UVRAG: variants seen among roughly 807,000 people sequenced by gnomAD.
UVRAG encodes the protein UV radiation resistance-associated gene protein.
Under a neutral mutation model 78.0 loss-of-function variants are expected in UVRAG, and 19 were observed. That is an observed-to-expected ratio of 0.24 (90% CI 0.17 to 0.36). UVRAG has a LOEUF of 0.36. UVRAG is among the 10% of genes least tolerant of loss of function. UVRAG has a pLI of 1.00. For synonymous variants in UVRAG, 323 were observed against 324.6 expected (o/e 1.00, Z 0.05); for missense variants, 740 against 853.8 (o/e 0.87, Z 1.66).
At chr11:75,928,767 G>A (rs771633687) in intron 6 of UVRAG, among the ~76,000 whole-genome samples, 15 of 149,928 alleles carry the variant, frequency 1.0e-4, no homozygotes, top group East Asian at 1.9e-4. Context: ...GTGAAACCCC[G>A]TCTTTACTAA....
At chr11:76,066,136 A>G (rs1166611161) in intron 13 of UVRAG, among the ~76,000 whole-genome samples, 2 of 152,064 alleles carry the variant, frequency 1.3e-5, no homozygotes, top group Admixed American at 1.3e-4. Context: ...CTAGGGACTC[A>G]ATTTGCATTG....
intron 7 of UVRAG, among the ~76,000 whole-genome samples, chr11:75,967,409 G>A (rs930830644): frequency 6.6e-6 from 1 of 151,780 alleles, no homozygotes; most frequent in South Asian, 2.1e-4. Context: ...CTAGGTGTAG[G>A]TCCAGTAGAA....
chr11:75,973,779 T>C (rs983653367), intron 7 of UVRAG, among the ~76,000 whole-genome samples: 3 of 152,214 alleles, frequency 2.0e-5, no homozygotes, highest in African/African-American at 7.2e-5. Flanking sequence ...CATTGTTCAA[T>C]TCCTGCCTGT....
At chr11:76,096,067 T>C (rs1329481341) in intron 13 of UVRAG, among the ~76,000 whole-genome samples, 1 of 152,106 alleles carries the variant, frequency 6.6e-6, no homozygotes, top group Non-Finnish European at 1.5e-5. Context: ...CTAAGTGTCA[T>C]TTGTGTAGCT....
chr11:76,078,752 CAAAAAAA>C (rs61700855), intron 13 of UVRAG, among the ~76,000 whole-genome samples: 83 of 37,198 alleles, frequency 2.2e-3, no homozygotes, highest in South Asian at 0.012. Context: ...ACTAAAAATA[CAAAAAAA>C]AAAAAAAAAA....
At chr11:76,018,861 T>C (rs1422319477) in intron 12 of UVRAG, among the ~76,000 whole-genome samples, 4 of 152,228 alleles carry the variant, frequency 2.6e-5, no homozygotes. Context: ...TGTAACCTTC[T>C]TGTACTTGAA....
chr11:75,854,519 C>T (rs532269158), intron 2 of UVRAG, among the ~76,000 whole-genome samples: 4 of 152,166 alleles, frequency 2.6e-5, no homozygotes, highest in African/African-American at 9.6e-5. Flanking sequence ...CACGTTCAAG[C>T]GATTCTCCTG....
At chr11:76,042,672 C>T (rs144989577) in intron 12 of UVRAG, among the ~76,000 whole-genome samples, 11 of 152,300 alleles carry the variant, frequency 7.2e-5, no homozygotes, top group African/African-American at 2.6e-4. Flanking sequence ...AAGACAGACA[C>T]GTGGCTGTGA....
At chr11:75,992,227 T>A (rs555498982) in intron 8 of UVRAG, among the ~76,000 whole-genome samples, 33 of 152,174 alleles carry the variant, frequency 2.2e-4, no homozygotes, top group Admixed American at 2.2e-3. Flanking sequence ...TTTATAGATA[T>A]CTCTTCTAGT....
intron 7 of UVRAG, among the ~76,000 whole-genome samples, chr11:75,975,347 G>T (rs138349439): frequency 1.3e-5 from 2 of 152,100 alleles, no homozygotes; most frequent in East Asian, 3.8e-4. Context: ...TTGGCAATGC[G>T]GGCTCTTTTT....
rs964616137 is a variant in UVRAG at position 75,897,937 on chromosome 11, T to C, written c.507+9034T>C. On this transcript the variant is annotated intron_variant, in intron 5 of 14. Transcript: ENST00000356136. ...CAGGCTGGAGTGCAGTGGCGCGATC[T>C]CGGCTCACTGCAAGCTCCGCCTCCT... Among the ~76,000 whole-genome samples the C allele has an allele frequency of 6.2e-5, 9 of 145,694 alleles. No homozygotes were observed. In the South Asian group the frequency reaches 2.0e-3, roughly 33 times the overall value.
At chr11:76,116,229 G>A (rs989137690) in intron 14 of UVRAG, among the ~76,000 whole-genome samples, 2 of 152,180 alleles carry the variant, frequency 1.3e-5, no homozygotes, top group African/African-American at 4.8e-5. Flanking sequence ...GGGGCCAAGG[G>A]GATATTGCTT....
At chr11:76,042,169 G>A (rs1950658765) in intron 12 of UVRAG, among the ~76,000 whole-genome samples, 1 of 152,112 alleles carries the variant, frequency 6.6e-6, no homozygotes, top group South Asian at 2.1e-4. Context: ...TTTAGTAAGG[G>A]AGTGGAGAAA....
intron 1 of UVRAG, among the ~76,000 whole-genome samples, chr11:75,844,239 T>G (rs985632953): frequency 6.6e-5 from 10 of 152,106 alleles, no homozygotes; most frequent in African/African-American, 2.2e-4. Context: ...TTTTTTCTTT[T>G]TTTTTTGAGG....
At chr11:75,906,176 T>G (rs535618277) in intron 5 of UVRAG, among the ~76,000 whole-genome samples, 3 of 152,200 alleles carry the variant, frequency 2.0e-5, no homozygotes, top group Non-Finnish European at 4.4e-5. Context: ...GATAGTGTCC[T>G]TTGATGCACA....
chr11:75,857,770 G>A (rs907547422), intron 2 of UVRAG, among the ~76,000 whole-genome samples: 3 of 151,368 alleles, frequency 2.0e-5, no homozygotes, highest in African/African-American at 4.9e-5. Context: ...TTACAGGCCT[G>A]AGCCACTGTA....
chr11:75,880,183 G>A (rs1432635126), intron 4 of UVRAG, 143 bp downstream of exon 4: 3 of 882,508 alleles, frequency 3.4e-6, no homozygotes, highest in Non-Finnish European at 3.4e-6. Context: ...GAGAGACCTT[G>A]ATGATCATTT....
chr11:76,038,648 A>G (rs1419272213), intron 12 of UVRAG, among the ~76,000 whole-genome samples: 3 of 152,232 alleles, frequency 2.0e-5, no homozygotes, highest in South Asian at 2.1e-4. Context: ...GTTCCCAACC[A>G]TTTGACTTTG....
intron 7 of UVRAG, among the ~76,000 whole-genome samples, chr11:75,979,145 A>T (rs1949329136): frequency 6.6e-6 from 1 of 152,222 alleles, no homozygotes; most frequent in Non-Finnish European, 1.5e-5. Context: ...GGTCCACTCC[A>T]GGCCCCGTTT....
Sources: allele counts gnomAD v4.1 joint callset (sites outside exome capture counted in the v4.1 genomes callset), GRCh38; gene constraint gnomAD v4.1.1; transcripts MANE v1.5; gene names NCBI Gene and HGNC (gene_info 2026-07-23, HGNC 2026-07-21).